FGGY: variants seen among roughly 807,000 people sequenced by gnomAD.
FGGY encodes FGGY carbohydrate kinase domain containing.
FGGY carries 72 observed loss-of-function variants against 71.3 expected under a neutral mutation model. The ratio of observed to expected loss-of-function variants is 1.01; its 90% CI spans 0.84 to 1.23. The LOEUF (loss-of-function observed/expected upper bound fraction) is 1.23, where lower values mean the gene tolerates loss of function less well. FGGY is among the 50% of genes most tolerant of loss of function. FGGY has a pLI of 0.00. For missense variants in FGGY, 668 were observed against 682.3 expected (o/e 0.98, Z 0.23); for synonymous variants, 251 against 250.3 (o/e 1.00, Z -0.02).
chr1:59,549,695 A>T (rs993041943), intron 7 of FGGY, among the ~76,000 whole-genome samples: 2 of 152,200 alleles, frequency 1.3e-5, no homozygotes, highest in African/African-American at 4.8e-5. Context: ...CTTCTATATA[A>T]CCTTGTAAGC....
chr1:59,330,544 G>C (rs1232924274), intron 2 of FGGY, among the ~76,000 whole-genome samples: 1 of 150,980 alleles, frequency 6.6e-6, no homozygotes, highest in African/African-American at 2.4e-5. Flanking sequence ...CCTCCAGCCT[G>C]GGCGACAAAG....
intron 5 of FGGY, among the ~76,000 whole-genome samples, chr1:59,390,895 T>G (rs933471268): frequency 6.6e-6 from 1 of 152,216 alleles, no homozygotes; most frequent in African/African-American, 2.4e-5. Flanking sequence ...ATTAATACAT[T>G]CATTCATTCA....
chr1:59,326,995 A>C (rs1256177104), intron 2 of FGGY, among the ~76,000 whole-genome samples: 3 of 152,248 alleles, frequency 2.0e-5, no homozygotes, highest in Non-Finnish European at 4.4e-5. Flanking sequence ...TGTGTTAATG[A>C]TCATCGAAGC....
At chr1:59,482,773 T>C (rs2093534473) in intron 6 of FGGY, among the ~76,000 whole-genome samples, 1 of 152,026 alleles carries the variant, frequency 6.6e-6, no homozygotes, top group African/African-American at 2.4e-5. Context: ...TGAAATAACA[T>C]CACAAAGCTA....
chr1:59,731,708 C>T (rs2098032303), intron 14 of FGGY, among the ~76,000 whole-genome samples: 1 of 152,130 alleles, frequency 6.6e-6, no homozygotes, highest in African/African-American at 2.4e-5. Context: ...ATTCCTCCAG[C>T]ATACCTTGTG....
rs568587731 is a variant in FGGY at position 59,462,949 on chromosome 1, C to A, written c.670+5873C>A. 4.4e-3 allele frequency among the ~76,000 whole-genome samples: 668 copies of A among 151,954 alleles called. 4 individuals are homozygous for A. The highest frequency in any genetic ancestry group is 0.015 in the African/African-American group (626 of 41,398). ...GAAATACCATTTGACCCAGCCATCC[C>A]ATTACTGGGTATATACCCAAAGGAC... On this transcript the variant is annotated intron_variant, in intron 6 of 15. Coordinates refer to ENST00000303721, the MANE Select transcript of FGGY (RefSeq NM_018291.5).
At chr1:59,731,358 C>T (rs2098026285) in intron 14 of FGGY, among the ~76,000 whole-genome samples, 1 of 152,114 alleles carries the variant, frequency 6.6e-6, no homozygotes, top group Non-Finnish European at 1.5e-5. Context: ...CTTCAAAGGC[C>T]TATTGTGGAA....
At chr1:59,697,791 A>G in intron 14 of FGGY, 1 of 956,152 alleles carries the variant, frequency 1.0e-6, no homozygotes, top group South Asian at 1.6e-5. Context: ...CCTCCACATC[A>G]CCCCCTATTT....
At chr1:59,674,365 CT>C (rs1439899032) in intron 14 of FGGY, among the ~76,000 whole-genome samples, 3 of 151,856 alleles carry the variant, frequency 2.0e-5, no homozygotes, top group Non-Finnish European at 4.4e-5. Flanking sequence ...TTTTTTCTTT[CT>C]TCTTTAAAAT....
At chr1:59,421,206 G>C (rs950615398) in intron 5 of FGGY, among the ~76,000 whole-genome samples, 5 of 152,254 alleles carry the variant, frequency 3.3e-5, no homozygotes, top group African/African-American at 1.2e-4. Flanking sequence ...AACACTCGTG[G>C]TGTGTCACCC....
intron 14 of FGGY, among the ~76,000 whole-genome samples, chr1:59,753,468 A>AT (rs1491337523): frequency 1.5e-4 from 1 of 6,552 alleles, no homozygotes; most frequent in Non-Finnish European, 3.0e-4. Flanking sequence ...ATAACTTTAA[A>AT]TATATATATA....
At chr1:59,681,567 T>G (rs142351606) in intron 14 of FGGY, among the ~76,000 whole-genome samples, 79 of 152,354 alleles carry the variant, frequency 5.2e-4, no homozygotes, top group African/African-American at 1.7e-3. Context: ...CTGTAAGTAA[T>G]TAATTCCTCA....
At chr1:59,316,191 C>G (rs1328594102) in intron 1 of FGGY, 1 of 152,202 alleles carries the variant, frequency 6.6e-6, no homozygotes, top group Non-Finnish European at 1.5e-5. Flanking sequence ...TTGCACAGGA[C>G]TTGTGTACAT....
intron 4 of FGGY, among the ~76,000 whole-genome samples, chr1:59,360,120 T>C (rs2055156887): frequency 6.9e-6 from 1 of 145,200 alleles, no homozygotes; most frequent in Non-Finnish European, 1.5e-5. Flanking sequence ...TTTATTTTTC[T>C]ATCATTGTTA....
At chr1:59,361,038 G>C (rs2055406794) in intron 4 of FGGY, among the ~76,000 whole-genome samples, 1 of 152,142 alleles carries the variant, frequency 6.6e-6, no homozygotes, top group Admixed American at 6.5e-5. Context: ...CTGAGTAAAT[G>C]CTTCCAGGGC....
intron 1 of FGGY, among the ~76,000 whole-genome samples, chr1:59,320,698 A>G (rs1371144915): frequency 3.3e-5 from 5 of 152,196 alleles, no homozygotes; most frequent in African/African-American, 7.2e-5. Context: ...TTCCTTCCCA[A>G]TTCCCAGTCA....
intron 15 of FGGY, 150 bp downstream of exon 15, chr1:59,758,142 C>G (rs2098310626): frequency 1.3e-5 from 7 of 548,408 alleles, no homozygotes; most frequent in Non-Finnish European, 1.9e-5. Flanking sequence ...GAGGTAATGT[C>G]ACCTTCACTT....
intron 5 of FGGY, among the ~76,000 whole-genome samples, chr1:59,446,720 G>A (rs1242525790): frequency 1.3e-5 from 2 of 152,198 alleles, no homozygotes; most frequent in Non-Finnish European, 2.9e-5. Context: ...GAATATCTTG[G>A]TAATTTATCC....
At chr1:59,312,535 G>C (rs1356565163) in intron 1 of FGGY, among the ~76,000 whole-genome samples, 2 of 152,196 alleles carry the variant, frequency 1.3e-5, no homozygotes, top group African/African-American at 2.4e-5. Context: ...GGAACACAAG[G>C]GTTGAACAGA....
Sources: allele counts gnomAD v4.1 joint callset (sites outside exome capture counted in the v4.1 genomes callset), GRCh38; gene constraint gnomAD v4.1.1; transcripts MANE v1.5; gene names NCBI Gene and HGNC (gene_info 2026-07-23, HGNC 2026-07-21).